The following TMEM132B variants were observed in gnomAD, a reference collection of about 807,000 sequenced individuals.
TMEM132B encodes transmembrane protein 132B.
Under a neutral mutation model 90.8 loss-of-function variants are expected in TMEM132B, and 18 were observed. That is an observed-to-expected ratio of 0.20 (90% CI 0.14 to 0.29). TMEM132B has a LOEUF of 0.29. Ranked by LOEUF, TMEM132B falls within the 10% of genes least tolerant of loss-of-function variation. The pLI, the probability that TMEM132B is intolerant of heterozygous loss-of-function variation, is 1.00. For missense variants in TMEM132B, 1,096 were observed against 1,326.8 expected (o/e 0.83, Z 2.70); for synonymous variants, 504 against 523.3 (o/e 0.96, Z 0.50).
chr12:125,307,992 AAT>A (rs1213135473), intron 1 of TMEM132B, among the ~76,000 whole-genome samples: 1 of 136,802 alleles, frequency 7.3e-6, no homozygotes, highest in African/African-American at 2.7e-5. Flanking sequence ...AAGTAATATA[AAT>A]ATATATAAGT....
intron 4 of TMEM132B, among the ~76,000 whole-genome samples, chr12:125,524,334 C>G: frequency 6.6e-6 from 1 of 152,242 alleles, no homozygotes; most frequent in Non-Finnish European, 1.5e-5. Flanking sequence ...ACAATCCTCT[C>G]TATCCAGCCA....
intron 1 of TMEM132B, among the ~76,000 whole-genome samples, chr12:125,242,437 G>A (rs1173999726): frequency 6.6e-6 from 1 of 152,160 alleles, no homozygotes; most frequent in Non-Finnish European, 1.5e-5. Flanking sequence ...TATCCTCGAG[G>A]AAACTGAGGC....
chr12:125,250,850 G>C (rs2136101915), intron 1 of TMEM132B, among the ~76,000 whole-genome samples: 1 of 152,296 alleles, frequency 6.6e-6, no homozygotes, highest in African/African-American at 2.4e-5. Flanking sequence ...CTGGGTAAAA[G>C]GAAGTGGCTG....
At chr12:125,507,414 G>A (rs1043547980) in intron 3 of TMEM132B, among the ~76,000 whole-genome samples, 3 of 152,138 alleles carry the variant, frequency 2.0e-5, no homozygotes, top group African/African-American at 7.2e-5. Flanking sequence ...TATGTTTGAT[G>A]GTGCTGTTGA....
chr12:125,563,599 A>AAACAAACAAACAAACAAAC (rs1555258801), intron 4 of TMEM132B, among the ~76,000 whole-genome samples: 11 of 113,322 alleles, frequency 9.7e-5, no homozygotes, highest in African/African-American at 3.5e-4. Context: ...ACAAACAAAC[A>AAACAAACAAACAAACAAAC]AAAAAAAACC....
intron 1 of TMEM132B, among the ~76,000 whole-genome samples, chr12:125,241,137 A>G (rs1320170431): frequency 6.6e-6 from 1 of 152,236 alleles, no homozygotes; most frequent in East Asian, 1.9e-4. Flanking sequence ...GACAAAAGAA[A>G]CCAATTTTAT....
intron 1 of TMEM132B, among the ~76,000 whole-genome samples, chr12:125,217,428 A>G (rs1011447472): frequency 6.6e-6 from 1 of 152,140 alleles, no homozygotes; most frequent in African/African-American, 2.4e-5. Context: ...TCTTTTGCCT[A>G]TATACTCCTT....
chr12:125,439,271 T>A (rs1880796157), intron 3 of TMEM132B, among the ~76,000 whole-genome samples: 1 of 152,226 alleles, frequency 6.6e-6, no homozygotes, highest in African/African-American at 2.4e-5. Flanking sequence ...GGTGGCCATT[T>A]TAATGATGGT....
Position 125,660,605 on chromosome 12 carries a change from A to G in TMEM132B, c.*5895A>G, listed in dbSNP as rs1887187815. On this transcript the variant is annotated 3_prime_UTR_variant, in exon 9 of 9. Coordinates refer to ENST00000682704, the MANE Select transcript of TMEM132B (RefSeq NM_001366854.1). ...ATCTGGGTTACTGTGTTTATAGACT[A>G]TTCTATGACTCAAGACAACTAGGAC... The G allele has an allele frequency of 6.6e-6, 1 of 152,220 alleles. No homozygotes were observed. Among genetic ancestry groups the G allele is most frequent in the South Asian group, 2.1e-4 (1 of 4,832 alleles). The allele number at this position is 152,220 out of a possible 1,614,324, so 9.4% of individuals were successfully genotyped here. A position where few individuals can be genotyped will look rare whatever the true frequency, so the allele number is the denominator to read the frequency against.
chr12:125,358,266 A>T (rs1193940015), intron 2 of TMEM132B, among the ~76,000 whole-genome samples: 3 of 152,262 alleles, frequency 2.0e-5, no homozygotes, highest in Admixed American at 6.5e-5. Flanking sequence ...TTTTTAAAAA[A>T]TTTTTTAGCT....
chr12:125,450,071 T>G (rs1340478314), intron 3 of TMEM132B, among the ~76,000 whole-genome samples: 2 of 152,220 alleles, frequency 1.3e-5, no homozygotes, highest in Admixed American at 1.3e-4. Flanking sequence ...TGTGGATTTG[T>G]ACATGTTATA....
intron 7 of TMEM132B, 125 bp from the exon 8 acceptor site, chr12:125,652,316 C>A: frequency 1.2e-6 from 1 of 836,482 alleles, no homozygotes; most frequent in East Asian, 2.8e-5. Context: ...ACTTCCCTAA[C>A]CGATTCCCAC....
chr12:125,476,768 G>C (rs937752652), intron 3 of TMEM132B, among the ~76,000 whole-genome samples: 3 of 152,150 alleles, frequency 2.0e-5, no homozygotes, highest in Non-Finnish European at 2.9e-5. Context: ...AGTGACTTTT[G>C]AAAATCATAG....
intron 5 of TMEM132B, among the ~76,000 whole-genome samples, chr12:125,634,267 A>T (rs1566095796): frequency 6.6e-6 from 1 of 152,054 alleles, no homozygotes; most frequent in Non-Finnish European, 1.5e-5. Context: ...AAGGTACAAG[A>T]TCTCTTCAGT....
chr12:125,305,918 C>A (rs1446630145), intron 1 of TMEM132B, among the ~76,000 whole-genome samples: 1 of 152,214 alleles, frequency 6.6e-6, no homozygotes, highest in Non-Finnish European at 1.5e-5. Flanking sequence ...TCTGCGAGAT[C>A]CTTGTAATGA....
At chr12:125,378,968 C>T (rs1878578476) in intron 2 of TMEM132B, among the ~76,000 whole-genome samples, 2 of 152,146 alleles carry the variant, frequency 1.3e-5, no homozygotes, top group Admixed American at 1.3e-4. Flanking sequence ...CCACCCCCCT[C>T]AGTCCCCAGC....
chr12:125,646,838 A>C (rs1165328042), intron 6 of TMEM132B, among the ~76,000 whole-genome samples: 2 of 152,194 alleles, frequency 1.3e-5, no homozygotes, highest in South Asian at 4.2e-4. Flanking sequence ...ATAAACCACA[A>C]CTTGAATGAG....
At chr12:125,215,432 T>G (rs1371831984) in intron 1 of TMEM132B, among the ~76,000 whole-genome samples, 3 of 152,214 alleles carry the variant, frequency 2.0e-5, no homozygotes, top group Non-Finnish European at 2.9e-5. Flanking sequence ...CATTCCTTGG[T>G]TTGTGGCCCC....
At chr12:125,434,328 CA>C (rs1880635730) in intron 3 of TMEM132B, among the ~76,000 whole-genome samples, 2 of 152,224 alleles carry the variant, frequency 1.3e-5, no homozygotes, top group Non-Finnish European at 2.9e-5. Flanking sequence ...AATCTAACCA[CA>C]CCTGCAAAGT....
Sources: gnomAD v4.1 joint callset for allele counts (sites outside exome capture counted in the v4.1 genomes callset) on GRCh38, gnomAD v4.1.1 for gene constraint, MANE v1.5 for transcripts, NCBI Gene and HGNC (gene_info 2026-07-23, HGNC 2026-07-21) for gene names.